The following NRXN1 variants were observed in gnomAD, a reference collection of about 807,000 sequenced individuals.
The protein encoded by NRXN1 is neurexin-1.
In NRXN1, 39 loss-of-function variants were observed where a neutral mutation model predicts 150.9. The ratio of observed to expected loss-of-function variants is 0.26; its 90% CI spans 0.20 to 0.34. NRXN1 has a LOEUF of 0.34. Among genes scored for constraint, NRXN1 ranks in the 10% least tolerant of loss-of-function variants. The pLI is 1.00. For synonymous variants in NRXN1, 924 were observed against 757.0 expected, an observed-to-expected ratio of 1.22 and a Z score of -3.62; for missense variants, 1,815 against 1,949.9, an observed-to-expected ratio of 0.93 and a Z score of 1.30.
chr2:50,089,885 C>T (rs899051873), intron 19 of NRXN1, among the ~76,000 whole-genome samples: 3 of 152,156 alleles, frequency 2.0e-5, no homozygotes, highest in African/African-American at 7.2e-5. Context: ...TTAGCAGGGG[C>T]TATGTAACAT....
chr2:50,019,748 C>T (rs1438299940), intron 21 of NRXN1, among the ~76,000 whole-genome samples: 1 of 149,550 alleles, frequency 6.7e-6, no homozygotes, highest in Non-Finnish European at 1.5e-5. Flanking sequence ...AGATCGAGAC[C>T]ATTCTGGCTA....
At chr2:50,339,336 T>C (rs192766226) in intron 17 of NRXN1, among the ~76,000 whole-genome samples, 58 of 150,350 alleles carry the variant, frequency 3.9e-4, no homozygotes, top group Non-Finnish European at 4.4e-5. Flanking sequence ...GTTCACAACC[T>C]TGGTTTAAAA....
intron 21 of NRXN1, chr2:49,973,181 A>T (rs999968210): frequency 6.6e-6 from 1 of 152,240 alleles, no homozygotes; most frequent in African/African-American, 2.4e-5. Context: ...TTCTTTAAAA[A>T]TGTTTTTAAT....
rs543224962 is a variant in NRXN1, at chr2:50,958,677, C to T, written c.773-32722G>A. ...TATTTCTTCCTTTCTAGTCTGGATA[C>T]CTCTTAGTTTCTTTTCCTTACCTAA... On this transcript the variant is annotated intron_variant, in intron 2 of 22. Coordinates refer to ENST00000401669, the MANE Select transcript of NRXN1 (RefSeq NM_001330078.2). 3.5e-4 allele frequency among the ~76,000 whole-genome samples: 53 copies of T among 152,074 alleles called. 2 individuals carry two copies. In the South Asian group the frequency reaches 1.0e-2, roughly 29 times the overall value.
intron 17 of NRXN1, among the ~76,000 whole-genome samples, chr2:50,426,546 T>A (rs1409671956): frequency 1.3e-5 from 2 of 152,216 alleles, no homozygotes; most frequent in Admixed American, 1.3e-4. Context: ...CATGGTGACA[T>A]GTATTTGAGA....
chr2:50,725,284 A>G lies in NRXN1; in HGVS notation c.833-101669T>C, dbSNP rs565083078. Among the ~76,000 whole-genome samples, 13 of 152,092 alleles carry G rather than the reference A, an allele frequency of 8.5e-5. No homozygotes were observed. In the East Asian group the frequency reaches 2.5e-3, roughly 29 times the overall value. ...TCTGTAATTTTGTGTTTCCTGATAG[A>G]AGAAAAATATGTTTGGGCTCATGTT... On this transcript the variant is annotated intron_variant, in intron 5 of 22. Transcript: ENST00000401669.
At chr2:50,509,422 G>GACT (rs1434972522) in intron 12 of NRXN1, among the ~76,000 whole-genome samples, 1 of 152,104 alleles carries the variant, frequency 6.6e-6, no homozygotes, top group African/African-American at 2.4e-5. Flanking sequence ...ATGCTGAAAT[G>GACT]ACTGTTCCTA....
chr2:50,607,591 C>T (rs1320929628), intron 8 of NRXN1, among the ~76,000 whole-genome samples: 1 of 151,920 alleles, frequency 6.6e-6, no homozygotes. Context: ...CTTATATAAA[C>T]CATGGCCTAA....
intron 21 of NRXN1, among the ~76,000 whole-genome samples, chr2:50,030,558 C>A (rs1466039793): frequency 6.6e-6 from 1 of 152,126 alleles, no homozygotes; most frequent in African/African-American, 2.4e-5. Context: ...AACTGTCCAA[C>A]ACTTTGTTTC....
chr2:50,427,197 GA>G (rs1316308039), intron 17 of NRXN1, among the ~76,000 whole-genome samples: 1 of 152,104 alleles, frequency 6.6e-6, no homozygotes, highest in Non-Finnish European at 1.5e-5. Context: ...ATTGCTCTCA[GA>G]AAGTTATAGG....
chr2:50,348,259 T>G (rs924955662), intron 17 of NRXN1, among the ~76,000 whole-genome samples: 8 of 152,120 alleles, frequency 5.3e-5, no homozygotes, highest in Non-Finnish European at 1.2e-4. Context: ...ATATCTCATA[T>G]AAGGCAGTGG....
chr2:50,934,843 T>C (rs1688283410), intron 2 of NRXN1, among the ~76,000 whole-genome samples: 1 of 152,186 alleles, frequency 6.6e-6, no homozygotes, highest in South Asian at 2.1e-4. Flanking sequence ...ATAAACCTGA[T>C]AAAAATTTTA....
intron 2 of NRXN1, among the ~76,000 whole-genome samples, chr2:50,977,805 A>G (rs962046478): frequency 2.0e-5 from 3 of 151,844 alleles, no homozygotes; most frequent in Non-Finnish European, 2.9e-5. Flanking sequence ...AAAAAAAGTC[A>G]TATCATAAAT....
At chr2:50,832,069 G>A (rs1375463753) in intron 5 of NRXN1, among the ~76,000 whole-genome samples, 2 of 152,118 alleles carry the variant, frequency 1.3e-5, no homozygotes, top group Non-Finnish European at 2.9e-5. Flanking sequence ...ATAACATAAG[G>A]AAAATATTAT....
chr2:50,694,056 G>T (rs1692450712), intron 5 of NRXN1, among the ~76,000 whole-genome samples: 1 of 152,162 alleles, frequency 6.6e-6, no homozygotes, highest in Non-Finnish European at 1.5e-5. Flanking sequence ...GCCTGCCAAA[G>T]CACTGGGATT....
intron 17 of NRXN1, among the ~76,000 whole-genome samples, chr2:50,318,110 TAAAG>T (rs2075753609): frequency 6.6e-6 from 1 of 151,646 alleles, no homozygotes; most frequent in South Asian, 2.1e-4. Flanking sequence ...TAAGCATCAA[TAAAG>T]AAATGATAAA....
At chr2:50,149,680 A>G (rs2058584142) in intron 18 of NRXN1, among the ~76,000 whole-genome samples, 2 of 151,590 alleles carry the variant, frequency 1.3e-5, no homozygotes, top group South Asian at 4.1e-4. Flanking sequence ...GGGAATAGAG[A>G]TTTTACTTTC....
chr2:50,805,206 A>T (rs1175923642), intron 5 of NRXN1, among the ~76,000 whole-genome samples: 1 of 152,164 alleles, frequency 6.6e-6, no homozygotes. Context: ...GAATTGCACA[A>T]ATTACCATGA....
chr2:50,268,475 A>G (rs79835027), intron 17 of NRXN1, among the ~76,000 whole-genome samples: 3,915 of 152,240 alleles, frequency 0.026, 167 homozygotes, highest in African/African-American at 0.089. Context: ...TTTGATCATT[A>G]ACAGGACACT....
Sources: allele counts gnomAD v4.1 joint callset (sites outside exome capture counted in the v4.1 genomes callset), GRCh38; gene constraint gnomAD v4.1.1; transcripts MANE v1.5; gene names NCBI Gene and HGNC (gene_info 2026-07-23, HGNC 2026-07-21).